The following CDKN2B-AS1 variants were observed in gnomAD, a reference collection of about 807,000 sequenced individuals.
The protein encoded by CDKN2B-AS1 is CDKN2B antisense RNA 1 (non-protein coding).
At chr9:22,042,505 T>C (rs757335515) in intron 1 of CDKN2B-AS1, among the ~76,000 whole-genome samples, 11 of 152,088 alleles carry the variant, frequency 7.2e-5, no homozygotes, top group Non-Finnish European at 1.6e-4. Flanking sequence ...AATTAAGGAA[T>C]GCATGAAGAC....
intron 4 of CDKN2B-AS1, among the ~76,000 whole-genome samples, chr9:22,084,268 AG>A (rs1245397434): frequency 1.3e-5 from 2 of 152,204 alleles, no homozygotes; most frequent in African/African-American, 4.8e-5. Context: ...ATTTCACAAA[AG>A]GGCTGTTCCT....
exon 5 of CDKN2B-AS1, among the ~76,000 whole-genome samples, chr9:22,127,114 C>T (rs143855686): frequency 6.6e-6 from 1 of 152,012 alleles, no homozygotes; most frequent in African/African-American, 2.4e-5. Flanking sequence ...TGTAGTGTCA[C>T]TCTGTCGCCC....
intron 4 of CDKN2B-AS1, among the ~76,000 whole-genome samples, chr9:22,062,230 G>T (rs1277675333): frequency 6.6e-6 from 1 of 152,144 alleles, no homozygotes; most frequent in Non-Finnish European, 1.5e-5. Context: ...CAATAAAAAT[G>T]CACCATGCTA....
chr9:22,018,688 A>T (rs1821888021), intron 1 of CDKN2B-AS1, among the ~76,000 whole-genome samples: 1 of 152,208 alleles, frequency 6.6e-6, no homozygotes, highest in East Asian at 1.9e-4. Flanking sequence ...CATGTATGTG[A>T]TGTAAAGAGC....
intron 4 of CDKN2B-AS1, among the ~76,000 whole-genome samples, chr9:22,056,609 T>A (rs998202158): frequency 7.2e-5 from 11 of 152,166 alleles, no homozygotes; most frequent in Admixed American, 3.3e-4. Flanking sequence ...TTTCTGCCAA[T>A]CTTCTTGGCC....
intron 4 of CDKN2B-AS1, among the ~76,000 whole-genome samples, chr9:22,101,716 C>G (rs72652474): frequency 6.8e-6 from 1 of 146,796 alleles, no homozygotes; most frequent in African/African-American, 2.6e-5. Flanking sequence ...CTTCTAGATT[C>G]TACATGTACA....
At chr9:22,023,536 C>A (rs1441162484) in intron 1 of CDKN2B-AS1, among the ~76,000 whole-genome samples, 7 of 151,826 alleles carry the variant, frequency 4.6e-5, no homozygotes, top group African/African-American at 1.5e-4. Context: ...GAGTTTGAGA[C>A]CAGCCTGGAT....
At chr9:22,106,654 T>C (rs1825668693) in intron 4 of CDKN2B-AS1, among the ~76,000 whole-genome samples, 1 of 152,204 alleles carries the variant, frequency 6.6e-6, no homozygotes, top group Non-Finnish European at 1.5e-5. Context: ...AGGCACTTCA[T>C]ATATAAAAGC....
chr9:22,123,536 G>A (rs1161907410), intron 4 of CDKN2B-AS1, among the ~76,000 whole-genome samples: 1 of 152,184 alleles, frequency 6.6e-6, no homozygotes, highest in African/African-American at 2.4e-5. Flanking sequence ...GGTGAGGGAT[G>A]GAACTGAGGG....
chr9:22,009,001 G>A (rs1323323917), intron 1 of CDKN2B-AS1: 1 of 1,612,690 alleles, frequency 6.2e-7, no homozygotes, highest in African/African-American at 1.3e-5. Context: ...ACCGTTGGCC[G>A]TAAACTTAAC....
At chr9:22,030,806 A>G (rs1351378958) in intron 1 of CDKN2B-AS1, 1 of 152,172 alleles carries the variant, frequency 6.6e-6, no homozygotes, top group African/African-American at 2.4e-5. Flanking sequence ...TAATAAATGG[A>G]ACTTATCATT....
At chr9:22,038,102 A>G (rs1563938875) in intron 1 of CDKN2B-AS1, among the ~76,000 whole-genome samples, 1 of 152,030 alleles carries the variant, frequency 6.6e-6, no homozygotes, top group Non-Finnish European at 1.5e-5. Flanking sequence ...GTTCTTGACA[A>G]GAAGCTTAAA....
At chr9:22,108,604 C>T (rs536126854) in intron 4 of CDKN2B-AS1, among the ~76,000 whole-genome samples, 5 of 152,202 alleles carry the variant, frequency 3.3e-5, no homozygotes, top group Non-Finnish European at 5.9e-5. Flanking sequence ...GCTTTGCACA[C>T]TGAATTATTC....
At chr9:22,029,455 A>G (rs1822375527) in intron 1 of CDKN2B-AS1, 2 of 779,642 alleles carry the variant, frequency 2.6e-6, no homozygotes, top group African/African-American at 1.7e-5. Context: ...CGACATTTCA[A>G]AGGATTCCAA....
chr9:22,038,949 A>T (rs1048070754), intron 1 of CDKN2B-AS1, among the ~76,000 whole-genome samples: 4 of 152,052 alleles, frequency 2.6e-5, no homozygotes, highest in Non-Finnish European at 5.9e-5. Context: ...TTGGAGTGGA[A>T]CTTACTCTGG....
At chr9:22,112,944 A>G (rs7032115) in intron 4 of CDKN2B-AS1, among the ~76,000 whole-genome samples, 2,076 of 152,308 alleles carry the variant, frequency 0.014, 47 homozygotes, top group African/African-American at 0.047. Flanking sequence ...GAAGGTTGGT[A>G]CTGTGCTTCA....
At chr9:21,998,608 G>A (rs924536273) in intron 1 of CDKN2B-AS1, among the ~76,000 whole-genome samples, 9 of 152,162 alleles carry the variant, frequency 5.9e-5, no homozygotes, top group African/African-American at 2.2e-4. Context: ...TCTTCCACTG[G>A]CCTAAAAACC....
chr9:22,074,811 G>A (rs1216221378), intron 4 of CDKN2B-AS1, among the ~76,000 whole-genome samples: 1 of 152,182 alleles, frequency 6.6e-6, no homozygotes, highest in Non-Finnish European at 1.5e-5. Flanking sequence ...AGCTCTATCT[G>A]GTTTCTCTTA....
At chr9:22,017,997 A>G (rs1587406986) in intron 1 of CDKN2B-AS1, among the ~76,000 whole-genome samples, 1 of 152,238 alleles carries the variant, frequency 6.6e-6, no homozygotes, top group Non-Finnish European at 1.5e-5. Context: ...GCTATTATAG[A>G]TGGAATATCA....
Sources: allele counts gnomAD v4.1 joint callset (sites outside exome capture counted in the v4.1 genomes callset), GRCh38; gene constraint gnomAD v4.1.1; transcripts MANE v1.5; gene names NCBI Gene and HGNC (gene_info 2026-07-23, HGNC 2026-07-21).